Variants in CUL4A observed in about 807,000 individuals in gnomAD.
CUL4A encodes cullin-4A.
CUL4A carries 16 observed loss-of-function variants against 95.5 expected under a neutral mutation model. The ratio of observed to expected loss-of-function variants is 0.17; its 90% confidence interval spans 0.11 to 0.25. The LOEUF is 0.25. Ranked by LOEUF, CUL4A falls within the 10% of genes least tolerant of loss-of-function variation. The probability of loss-of-function intolerance (pLI) is 1.00; values close to 1 mark genes in which losing one functional copy is unlikely to be tolerated. For synonymous variants in CUL4A, 380 were observed against 353.1 expected, an observed-to-expected ratio of 1.08 and a Z score of -0.85; for missense variants, 610 against 937.0, an observed-to-expected ratio of 0.65 and a Z score of 4.56.
chr13:113,245,924 CA>C (rs1468820151), intron 14 of CUL4A, 31 bp from the exon 15 acceptor site: 5 of 1,480,416 alleles, frequency 3.4e-6, no homozygotes, highest in Non-Finnish European at 4.7e-6. Flanking sequence ...ATTACTTTCT[CA>C]AAATGATTGT....
upstream of CUL4A, chr13:113,208,263 G>GGCCCGCAGGCCC (rs2040088889): frequency 6.9e-7 from 1 of 1,441,646 alleles, no homozygotes; most frequent in Non-Finnish European, 9.1e-7. Context: ...CCCTCGGCGT[G>GGCCCGCAGGCCC]GCCCGCAGGC....
chr13:113,212,964 C>T (rs974226747), intron 2 of CUL4A, among the ~76,000 whole-genome samples: 2 of 152,194 alleles, frequency 1.3e-5, no homozygotes, highest in Non-Finnish European at 2.9e-5. Context: ...GCACAGGTTT[C>T]TGGCTATTCT....
At chr13:113,237,822 A>G in intron 9 of CUL4A, among the ~76,000 whole-genome samples, 1 of 152,216 alleles carries the variant, frequency 6.6e-6, no homozygotes, top group East Asian at 1.9e-4. Flanking sequence ...GAGATACTTA[A>G]GTGAAACCAG....
rs1378811540 is a variant in CUL4A, at chr13:113,242,889, CTGA to C, written c.1036-77_1036-75del. ...TAAGAGTAATTTATGTTAAACTATC[CTGA>C]TTATATGATAGCAGGAGAAGATACT... On this transcript the variant is annotated intron_variant, in intron 10 of 19. Coordinates refer to ENST00000375440, the MANE Select transcript of CUL4A (RefSeq NM_001008895.4). 8 of 1,119,540 alleles carry C rather than the reference CTGA, an allele frequency of 7.1e-6. No homozygotes were observed. In the African/African-American group the frequency reaches 1.2e-4, roughly 17 times the overall value. The allele number at this position is 1,119,540 out of a possible 1,614,324, so 69.4% of individuals were successfully genotyped here.
chr13:113,216,884 A>G (rs892284293), intron 2 of CUL4A, among the ~76,000 whole-genome samples: 2 of 152,232 alleles, frequency 1.3e-5, no homozygotes, highest in Non-Finnish European at 2.9e-5. Flanking sequence ...CTCAGCACCT[A>G]CAGCAAACCT....
upstream of CUL4A, chr13:113,208,420 C>A: frequency 6.7e-7 from 1 of 1,487,276 alleles, no homozygotes; most frequent in Non-Finnish European, 8.9e-7. Context: ...AGAACTCGGG[C>A]CGCCTTCCCG....
chr13:113,243,754 GA>G (rs764592315), intron 11 of CUL4A, among the ~76,000 whole-genome samples: 80 of 152,168 alleles, frequency 5.3e-4, no homozygotes, highest in Non-Finnish European at 1.0e-3. Flanking sequence ...ATGTTTAAAA[GA>G]AAAAAACTAA....
At chr13:113,247,879 G>T (rs754604115) in intron 15 of CUL4A, among the ~76,000 whole-genome samples, 54 of 152,160 alleles carry the variant, frequency 3.5e-4, no homozygotes, top group Non-Finnish European at 1.8e-4. Flanking sequence ...ATTTCTGTTG[G>T]TTGTCTCAGA....
Position 113,219,391 on chromosome 13 carries a change from ACCC to A in CUL4A, c.368+344_368+346del, listed in dbSNP as rs2040815030. On this transcript the variant is annotated intron_variant, in intron 3 of 19. Transcript: ENST00000375440. Reference sequence around the variant, plus strand: ...CATCGACTTGGCGACTTATGGAGACACCCACTTATCAGCGCACAGTTGTGTCTG... The same window carrying A: ...CATCGACTTGGCGACTTATGGAGACAACTTATCAGCGCACAGTTGTGTCTG... 5 of 208,784 alleles carry A rather than the reference ACCC, an allele frequency of 2.4e-5. No homozygotes were observed. The South Asian group carries it at 2.9e-4, about 12-fold the overall frequency. 12.9% of individuals were successfully genotyped at this position (208,784 alleles called of 1,614,324 possible).
intron 3 of CUL4A, among the ~76,000 whole-genome samples, chr13:113,224,789 C>T (rs1309248612): frequency 6.6e-6 from 1 of 152,190 alleles, no homozygotes; most frequent in African/African-American, 2.4e-5. Flanking sequence ...GATGAAGAGA[C>T]GAAAGCCCAA....
upstream of CUL4A, chr13:113,208,455 C>T (rs1459186376): frequency 9.8e-6 from 15 of 1,523,314 alleles, no homozygotes; most frequent in Non-Finnish European, 1.3e-5. Context: ...CTGTTCGGCT[C>T]GCGCGGCTGC....
intron 2 of CUL4A, among the ~76,000 whole-genome samples, chr13:113,214,865 G>C (rs1567011488): frequency 6.6e-6 from 1 of 152,138 alleles, no homozygotes; most frequent in Non-Finnish European, 1.5e-5. Context: ...TGGCTGTGAA[G>C]GTCGCTATAT....
At chr13:113,239,744 A>C (rs1018476727) in intron 10 of CUL4A, among the ~76,000 whole-genome samples, 193 bp downstream of exon 10, 4 of 152,230 alleles carry the variant, frequency 2.6e-5, no homozygotes, top group Non-Finnish European at 5.9e-5. Flanking sequence ...TTTGCTTTTT[A>C]GGATAACACC....
intron 2 of CUL4A, among the ~76,000 whole-genome samples, chr13:113,212,177 G>A (rs1416424338): frequency 6.6e-6 from 1 of 152,192 alleles, no homozygotes; most frequent in Non-Finnish European, 1.5e-5. Flanking sequence ...TTGAGTATTT[G>A]AGTTTATTAT....
upstream of CUL4A, chr13:113,208,731 C>A (rs1234989419): frequency 2.7e-6 from 4 of 1,490,518 alleles, no homozygotes; most frequent in Admixed American, 4.5e-5. Context: ...CTGGCGCCCC[C>A]GGCCCCGCCG....
chr13:113,226,880 T>A (rs1046831502), intron 3 of CUL4A, among the ~76,000 whole-genome samples: 1 of 152,134 alleles, frequency 6.6e-6, no homozygotes, highest in Admixed American at 6.5e-5. Context: ...ATAGTCCTAG[T>A]GACTCTTACC....
chr13:113,208,212 G>A (rs1483529840), upstream of CUL4A: 7 of 1,530,588 alleles, frequency 4.6e-6, no homozygotes, highest in African/African-American at 8.2e-5. Context: ...GCATCCTGCT[G>A]GGAAACAGCG....
At chr13:113,228,222 C>T (rs1476224948) in intron 4 of CUL4A, among the ~76,000 whole-genome samples, 177 bp downstream of exon 4, 2 of 152,178 alleles carry the variant, frequency 1.3e-5, no homozygotes, top group Non-Finnish European at 1.5e-5. Flanking sequence ...TGAGAGGGCA[C>T]CACTGACCCT....
chr13:113,215,099 G>A (rs149440031), intron 2 of CUL4A, among the ~76,000 whole-genome samples: 1,521 of 150,786 alleles, frequency 0.01, 21 homozygotes, highest in Non-Finnish European at 0.013. Context: ...GTCCCGTGTG[G>A]CTGTGGAGGT....
Sources: gnomAD v4.1 joint callset for allele counts (sites outside exome capture counted in the v4.1 genomes callset) on GRCh38, gnomAD v4.1.1 for gene constraint, MANE v1.5 for transcripts, NCBI Gene and HGNC (gene_info 2026-07-23, HGNC 2026-07-21) for gene names.